Variants in SPON2 observed in about 807,000 individuals in gnomAD.
SPON2 encodes spondin-2.
Under a neutral mutation model 29.9 loss-of-function variants are expected in SPON2, and 32 were observed. The ratio of observed to expected loss-of-function variants is 1.07; its 90% CI spans 0.81 to 1.44. SPON2 has a LOEUF of 1.44. Ranked by LOEUF, SPON2 falls within the 40% of genes most tolerant of loss-of-function variation. SPON2 has a pLI of 0.00. For synonymous variants in SPON2, 248 were observed against 209.1 expected (o/e 1.19, Z -1.61); for missense variants, 541 against 455.5 (o/e 1.19, Z -1.71).
upstream of SPON2, among the ~76,000 whole-genome samples, chr4:1,196,228 C>T (rs73067802): frequency 0.015 from 2,258 of 152,284 alleles, 71 homozygotes; most frequent in African/African-American, 0.051. Flanking sequence ...CCAGAGGCCA[C>T]GTGTTCCAGG....
chr4:1,194,993 A>ACGGCCGGCGGCTCCAACCCCG lies in SPON2; in HGVS notation c.-243_-242insCGGGGTTGGAGCCGCCGGCCG, dbSNP rs1728021948. The ACGGCCGGCGGCTCCAACCCCG allele has an allele frequency of 2.3e-4, 27 of 115,882 alleles. 2 individuals are homozygous for ACGGCCGGCGGCTCCAACCCCG. The East Asian group carries it at 3.9e-3, about 17-fold the overall frequency. The allele number at this position is 115,882 out of a possible 1,614,324, so 7.2% of individuals were successfully genotyped here. On this transcript the variant is annotated 5_prime_UTR_variant, in exon 1 of 4. Coordinates refer to the SPON2 transcript ENST00000502483. Reference sequence around the variant, plus strand: ...ACCCCGCAGCCGGCGGCCTCACCTCACAGCCGGCGGTTCCAACCCCGCAGC... The same window carrying ACGGCCGGCGGCTCCAACCCCG: ...ACCCCGCAGCCGGCGGCCTCACCTCACGGCCGGCGGCTCCAACCCCGCAGCCGGCGGTTCCAACCCCGCAGC...
At chr4:1,179,030 G>T (rs1577902729) in intron 2 of SPON2, among the ~76,000 whole-genome samples, 1 of 152,202 alleles carries the variant, frequency 6.6e-6, no homozygotes, top group Non-Finnish European at 1.5e-5. Flanking sequence ...CCAGAGTCTT[G>T]GATTCAGCTT....
chr4:1,186,205 C>T (rs913747195), intron 1 of SPON2, among the ~76,000 whole-genome samples: 1 of 144,256 alleles, frequency 6.9e-6, no homozygotes, highest in Non-Finnish European at 1.5e-5. Context: ...GATCGGGCCA[C>T]TATACTCCAG....
intron 1 of SPON2, among the ~76,000 whole-genome samples, chr4:1,189,638 C>CAAAAAAAAAAAAAAAA (rs61543201): frequency 1.7e-5 from 1 of 60,248 alleles, no homozygotes; most frequent in African/African-American, 6.2e-5. Flanking sequence ...GACCCTGTCT[C>CAAAAAAAAAAAAAAAA]AAAAAAAAAA....
chr4:1,173,523 C>A (rs1727527614), upstream of SPON2, among the ~76,000 whole-genome samples: 1 of 152,188 alleles, frequency 6.6e-6, no homozygotes, highest in Non-Finnish European at 1.5e-5. Context: ...TGAAGTTGAT[C>A]CTGCTCCATG....
intron 4 of SPON2, 156 bp downstream of exon 4, chr4:1,170,843 C>T (rs1477693258): frequency 1.8e-6 from 2 of 1,126,298 alleles, no homozygotes; most frequent in Non-Finnish European, 2.6e-6. Flanking sequence ...AGGGCTGCAC[C>T]CCCTTGCTCA....
chr4:1,201,335 C>A (rs1445416280), intron 1 of SPON2: 7 of 347,434 alleles, frequency 2.0e-5, no homozygotes. Context: ...GCCCCTTGCT[C>A]GCTTCCCTGA....
chr4:1,170,800 C>T (rs1373999309), intron 4 of SPON2, 199 bp downstream of exon 4: 1 of 961,400 alleles, frequency 1.0e-6, no homozygotes, highest in Non-Finnish European at 1.6e-6. Flanking sequence ...GTCCTCCCTG[C>T]GGTGCTGTGA....
At chr4:1,170,109 C>T (rs2153076721) in intron 5 of SPON2, 1 of 352,948 alleles carries the variant, frequency 2.8e-6, no homozygotes, top group Non-Finnish European at 5.2e-6. Context: ...ACACAGGTCA[C>T]CTGTGGGTGC....
intron 1 of SPON2, among the ~76,000 whole-genome samples, chr4:1,182,164 G>A (rs889350070): frequency 1.3e-5 from 2 of 152,068 alleles, no homozygotes; most frequent in South Asian, 2.1e-4. Flanking sequence ...TCAAATGTCC[G>A]ATTTTCAAGA....
chr4:1,177,175 C>T (rs990288982), upstream of SPON2, among the ~76,000 whole-genome samples: 2 of 152,180 alleles, frequency 1.3e-5, no homozygotes, highest in African/African-American at 2.4e-5. Context: ...GTGGCTGCTG[C>T]CTGTCTGCAG....
intron 1 of SPON2, among the ~76,000 whole-genome samples, chr4:1,193,270 G>A (rs1345003198): frequency 6.6e-6 from 1 of 152,126 alleles, no homozygotes; most frequent in Non-Finnish European, 1.5e-5. Flanking sequence ...GCACTGGAGG[G>A]TGCAACGTCC....
intron 1 of SPON2, among the ~76,000 whole-genome samples, chr4:1,192,252 C>G (rs900104753): frequency 2.0e-5 from 3 of 152,244 alleles, no homozygotes; most frequent in African/African-American, 7.2e-5. Context: ...TGACCCACAG[C>G]CAGCCAAGCA....
At position 1,194,876 on chromosome 4, in the gene SPON2, C is replaced by CGGCTCCAACGCCACAGCCGGT. The variant is rs1179899549; in HGVS notation, c.-239+113_-239+114insACCGGCTGTGGCGTTGGAGCC. On this transcript the variant is annotated intron_variant, in intron 1 of 3. Coordinates refer to the SPON2 transcript ENST00000502483. ...AGCAGAGGCCTCACCCCACAGCCGG[C>CGGCTCCAACGCCACAGCCGGT]GGCTCCAACGCCACAGCCGGCGACT... 1.1e-4 allele frequency: 16 copies of CGGCTCCAACGCCACAGCCGGT among 145,478 alleles called. 1 individual carries two copies. Among genetic ancestry groups the CGGCTCCAACGCCACAGCCGGT allele is most frequent in the African/African-American group, 3.8e-4 (15 of 39,194 alleles). 9.0% of individuals were successfully genotyped at this position (145,478 alleles called of 1,614,324 possible). A position where few individuals can be genotyped will look rare whatever the true frequency, so the allele number is the denominator to read the frequency against.
At chr4:1,194,542 C>T (rs1401344272) in intron 1 of SPON2, among the ~76,000 whole-genome samples, 1 of 152,198 alleles carries the variant, frequency 6.6e-6, no homozygotes, top group Non-Finnish European at 1.5e-5. Flanking sequence ...GCTTGCACAG[C>T]TTAGCTTCTT....
In SPON2 at chr4:1,171,076, A is replaced by G. The variant is rs138994428; in HGVS notation, c.559T>C (p.Tyr187His). The change falls in exon 4 of 6, where the codon TAC becomes CAC. Residue 187 changes from tyrosine (Y) to histidine (H), a missense_variant. By Grantham distance (83) the Tyr-to-His change is moderately conservative. Coordinates refer to ENST00000290902, the MANE Select transcript of SPON2 (RefSeq NM_012445.4). Reference protein sequence around the residue: ...REQAALDLYPYDAGTDSGFTF... With the variant: ...REQAALDLYPHDAGTDSGFTF... ...AAGCCGCTGTCCGTCCCGGCGTCGT[A>G]GGGGTACAGGTCCAGCGCCGCCTGT... is the stretch of plus-strand genomic sequence containing the variant. The G allele has an allele frequency of 3.1e-4, 484 of 1,550,070 alleles. 1 individual carries two copies. In the African/African-American group the frequency reaches 6.0e-3, roughly 19 times the overall value.
At chr4:1,201,328 C>T in intron 1 of SPON2, 1 of 349,266 alleles carries the variant, frequency 2.9e-6, no homozygotes, top group Non-Finnish European at 5.8e-6. Flanking sequence ...CTTCCAAGCC[C>T]CTTGCTCGCT....
chr4:1,178,462 C>T (rs370113435), intron 2 of SPON2, among the ~76,000 whole-genome samples: 5 of 152,270 alleles, frequency 3.3e-5, no homozygotes, highest in East Asian at 3.9e-4. Context: ...TGGCTCTTCC[C>T]GCCCCACTCT....
chr4:1,188,402 C>T (rs1727845459), intron 1 of SPON2, among the ~76,000 whole-genome samples: 1 of 152,068 alleles, frequency 6.6e-6, no homozygotes, highest in East Asian at 1.9e-4. Context: ...GTTAATTAAA[C>T]ACTCCAGTTA....
Sources: gnomAD v4.1 joint callset for allele counts (sites outside exome capture counted in the v4.1 genomes callset) on GRCh38, gnomAD v4.1.1 for gene constraint, MANE v1.5 for transcripts, NCBI Gene and HGNC (gene_info 2026-07-23, HGNC 2026-07-21) for gene names.